The following PTPRD variants were observed in gnomAD, a reference collection of about 807,000 sequenced individuals.
PTPRD encodes protein tyrosine phosphatase receptor type D.
In PTPRD, 34 loss-of-function variants were observed where a neutral mutation model predicts 214.5. The observed-to-expected ratio is 0.16, with a 90% CI of 0.12 to 0.21. PTPRD has a LOEUF of 0.21. PTPRD is among the 10% of genes least tolerant of loss of function. PTPRD has a pLI of 1.00. For synonymous variants in PTPRD, 1,128 were observed against 845.7 expected (o/e 1.33, Z -5.79); for missense variants, 2,545 against 2,398.7 (o/e 1.06, Z -1.27).
intron 10 of PTPRD, among the ~76,000 whole-genome samples, chr9:9,155,017 A>C (rs1418949540): frequency 6.6e-6 from 1 of 152,164 alleles, no homozygotes; most frequent in Non-Finnish European, 1.5e-5. Flanking sequence ...GCTTTGTTAG[A>C]TACAATATGA....
intron 9 of PTPRD, among the ~76,000 whole-genome samples, chr9:9,355,893 G>T (rs376038165): frequency 7.1e-4 from 107 of 151,542 alleles, no homozygotes; most frequent in Middle Eastern, 6.8e-3. Flanking sequence ...GCCAAAGTGT[G>T]TAGTATCACA....
chr9:9,562,596 G>A (rs748989508), intron 8 of PTPRD, among the ~76,000 whole-genome samples: 2 of 151,964 alleles, frequency 1.3e-5, no homozygotes, highest in Non-Finnish European at 2.9e-5. Flanking sequence ...CTATTGCACT[G>A]TCCTCTTTGC....
intron 4 of PTPRD, among the ~76,000 whole-genome samples, chr9:10,003,849 C>A (rs532847581): frequency 1.1e-4 from 16 of 151,430 alleles, no homozygotes; most frequent in African/African-American, 3.4e-4. Context: ...TTTTTTAATA[C>A]CCTAATGGCC....
At chr9:9,106,781 A>AT (rs1182782159) in intron 10 of PTPRD, among the ~76,000 whole-genome samples, 5 of 152,070 alleles carry the variant, frequency 3.3e-5, no homozygotes, top group African/African-American at 9.7e-5. Flanking sequence ...TTCTCCATGT[A>AT]TTTTTTAATG....
At chr9:9,244,145 A>G (rs1387698853) in intron 9 of PTPRD, among the ~76,000 whole-genome samples, 1 of 152,214 alleles carries the variant, frequency 6.6e-6, no homozygotes, top group Admixed American at 6.5e-5. Flanking sequence ...GAGGATACAA[A>G]CAAATGGAAG....
chr9:10,221,788 T>G (rs907344670), intron 3 of PTPRD, among the ~76,000 whole-genome samples: 2 of 151,984 alleles, frequency 1.3e-5, no homozygotes, highest in African/African-American at 4.8e-5. Context: ...AAAAACTGTT[T>G]TTTTTTTCCA....
At chr9:8,817,354 G>A (rs7856649) in intron 11 of PTPRD, among the ~76,000 whole-genome samples, 8,223 of 152,232 alleles carry the variant, frequency 0.054, 335 homozygotes, top group Non-Finnish European at 0.077. Flanking sequence ...TTTAGAAATA[G>A]TAAAAGAAGT....
rs1328419020 is a variant in PTPRD at position 8,557,692 on chromosome 9, G to A, written c.353-28913C>T. Among the ~76,000 whole-genome samples the A allele has an allele frequency of 1.4e-5, 2 of 142,096 alleles. 1 individual carries two copies. Among genetic ancestry groups the A allele is most frequent in the South Asian group, 4.5e-4 (2 of 4,488 alleles). The allele number at this position is 142,096 out of a possible 152,430, so 93.2% of individuals were successfully genotyped here. On this transcript the variant is annotated intron_variant, in intron 14 of 45. Transcript: ENST00000381196. ...TGGGAAGCGGAGGTTGCAGTGAGCCGAGATCACGCTACTGCATTCCAGCCT... is the reference window on the plus strand; with the variant it reads ...TGGGAAGCGGAGGTTGCAGTGAGCCAAGATCACGCTACTGCATTCCAGCCT...
At chr9:8,681,672 G>A (rs72700345) in intron 12 of PTPRD, among the ~76,000 whole-genome samples, 178 of 152,246 alleles carry the variant, frequency 1.2e-3, no homozygotes, top group Non-Finnish European at 1.8e-3. Context: ...ATGTGCATGC[G>A]TCATATAGAC....
At chr9:10,018,999 A>C (rs2096787059) in intron 4 of PTPRD, among the ~76,000 whole-genome samples, 1 of 152,182 alleles carries the variant, frequency 6.6e-6, no homozygotes, top group Non-Finnish European at 1.5e-5. Flanking sequence ...CAACCTACAG[A>C]ATGGGAGAAA....
chr9:8,887,041 C>A lies in PTPRD; in HGVS notation c.-104+131656G>T, dbSNP rs531500617. On this transcript the variant is annotated intron_variant, in intron 11 of 45. Transcript: ENST00000381196. The stretch of plus-strand genomic sequence containing the variant: ...GGCATTACTCAATCCACAAAATCAT[C>A]TTCTGAAGTGACTTTCTTATCCCCA... Among the ~76,000 whole-genome samples the A allele has an allele frequency of 1.1e-3, 167 of 152,328 alleles. 1 individual carries two copies. Among genetic ancestry groups the A allele is most frequent in the African/African-American group, 3.3e-3 (139 of 41,586 alleles).
In PTPRD at chr9:8,669,788, T is replaced by C. The variant is rs111644958; in HGVS notation, c.65-32944A>G. Among the ~76,000 whole-genome samples, 1,214 of 152,194 alleles carry C rather than the reference T, an allele frequency of 8.0e-3. 29 individuals are homozygous for C. Among genetic ancestry groups the C allele is most frequent in the African/African-American group, 0.028 (1,158 of 41,526 alleles). ...CTGGAATGCCAGTTAAAAGAAGTCA[T>C]AGAGGTTATGAATAACGTGGAGGTT... On this transcript the variant is annotated intron_variant, in intron 12 of 45. Transcript: ENST00000381196.
At chr9:8,637,023 G>A (rs1451107038) in intron 12 of PTPRD, among the ~76,000 whole-genome samples, 179 bp from the exon 13 acceptor site, 1 of 152,034 alleles carries the variant, frequency 6.6e-6, no homozygotes, top group Non-Finnish European at 1.5e-5. Flanking sequence ...TAGTTTAAAG[G>A]GGAAGGACAT....
At chr9:9,875,437 T>C (rs1399287093) in intron 5 of PTPRD, among the ~76,000 whole-genome samples, 1 of 152,100 alleles carries the variant, frequency 6.6e-6, no homozygotes, top group African/African-American at 2.4e-5. Flanking sequence ...ACATTGAATA[T>C]CTGTTAATAA....
chr9:10,313,014 G>T (rs544728939), intron 3 of PTPRD, among the ~76,000 whole-genome samples: 2 of 151,862 alleles, frequency 1.3e-5, no homozygotes, highest in Non-Finnish European at 2.9e-5. Flanking sequence ...AAGATAACCA[G>T]ACACAACCTT....
chr9:9,303,086 A>G (rs1956017114), intron 9 of PTPRD, among the ~76,000 whole-genome samples: 1 of 151,924 alleles, frequency 6.6e-6, no homozygotes, highest in South Asian at 2.1e-4. Flanking sequence ...TTGCAAAGGC[A>G]TTAGCACAAA....
At chr9:8,643,813 C>T (rs1305923261) in intron 12 of PTPRD, among the ~76,000 whole-genome samples, 1 of 152,240 alleles carries the variant, frequency 6.6e-6, no homozygotes, top group Non-Finnish European at 1.5e-5. Context: ...TCAGGGCCTG[C>T]AGATGCCCCT....
At chr9:8,689,785 T>C (rs1194146365) in intron 12 of PTPRD, among the ~76,000 whole-genome samples, 2 of 152,128 alleles carry the variant, frequency 1.3e-5, no homozygotes, top group African/African-American at 4.8e-5. Context: ...ACACTTTGAG[T>C]GAAGAGGGAA....
chr9:8,962,058 T>G (rs1344933863), intron 11 of PTPRD: 1 of 152,154 alleles, frequency 6.6e-6, no homozygotes, highest in Non-Finnish European at 1.5e-5. Flanking sequence ...TAAAGTATCT[T>G]TTACATTGGA....
Sources: gnomAD v4.1 joint callset for allele counts (sites outside exome capture counted in the v4.1 genomes callset) on GRCh38, gnomAD v4.1.1 for gene constraint, MANE v1.5 for transcripts, NCBI Gene and HGNC (gene_info 2026-07-23, HGNC 2026-07-21) for gene names.